The following PPP1R12A variants were observed in gnomAD, a reference collection of about 807,000 sequenced individuals.
PPP1R12A encodes the protein protein phosphatase 1 regulatory subunit 12A, also known as myosin binding subunit.
PPP1R12A carries 19 observed loss-of-function variants against 139.6 expected under a neutral mutation model. That is an observed-to-expected ratio of 0.14 (90% CI 0.09 to 0.20). The LOEUF (loss-of-function observed/expected upper bound fraction) is 0.20. PPP1R12A is among the 10% of genes least tolerant of loss of function. The pLI is 1.00. For synonymous variants in PPP1R12A, 427 were observed against 420.6 expected (o/e 1.02, Z -0.19); for missense variants, 925 against 1,211.5 (o/e 0.76, Z 3.51).
intron 13 of PPP1R12A, 43 bp from the exon 14 acceptor site, chr12:79,805,811 AC>A: frequency 6.5e-7 from 1 of 1,549,120 alleles, no homozygotes. Flanking sequence ...GAAAAGGAAA[AC>A]AGCTAAACAA....
At chr12:79,935,217 G>A, upstream of PPP1R12A, 1 of 1,284,282 alleles carries the variant, frequency 7.8e-7, no homozygotes, top group African/African-American at 1.5e-5. Context: ...CGGACTGGGA[G>A]GCGCCCTTCG....
At position 79,828,066 on chromosome 12, in the gene PPP1R12A, T is replaced by A. The variant is rs1877006929; in HGVS notation, c.792+254A>T. On this transcript the variant is annotated intron_variant, in intron 5 of 24. Coordinates refer to ENST00000450142, the MANE Select transcript of PPP1R12A (RefSeq NM_002480.3). ...CAAGTATCCAAATCTACTCTACATG[T>A]ATGGCAATCTGATTACTGAAAGAGC... 1.2e-5 allele frequency: 3 copies of A among 251,026 alleles called. No homozygotes were observed. The East Asian group carries it at 2.3e-4, about 19-fold the overall frequency. The allele number at this position is 251,026 out of a possible 1,614,324, so 15.5% of individuals were successfully genotyped here.
chr12:79,813,657 T>C (rs774518115), intron 9 of PPP1R12A, among the ~76,000 whole-genome samples: 5 of 152,214 alleles, frequency 3.3e-5, no homozygotes, highest in Non-Finnish European at 7.4e-5. Flanking sequence ...TATAAACTTG[T>C]TAGTTAACAA....
intron 1 of PPP1R12A, among the ~76,000 whole-genome samples, chr12:79,883,613 G>A (rs1272674022): frequency 6.6e-6 from 1 of 152,150 alleles, no homozygotes; most frequent in African/African-American, 2.4e-5. Flanking sequence ...ATAGGTGTCT[G>A]TACACCTATC....
intron 4 of PPP1R12A, among the ~76,000 whole-genome samples, chr12:79,829,505 C>T (rs1158437917): frequency 6.6e-6 from 1 of 152,010 alleles, no homozygotes; most frequent in African/African-American, 2.4e-5. Context: ...CCAGCTCACC[C>T]CAGTACTACT....
At position 79,872,837 on chromosome 12, in the gene PPP1R12A, T is replaced by C. The variant is rs989012029; in HGVS notation, c.339A>G (p.Ala113=). The C allele has an allele frequency of 6.2e-7, 1 of 1,613,650 alleles. No individual in the cohort carries two copies. The highest frequency in any genetic ancestry group is 8.5e-7 in the Non-Finnish European group (1 of 1,179,698). The part of the protein sequence containing the change: ...DNEGWIPLHA[A]ASCGYLDIAE... ...CAATATCAAGATATCCACAGGAAGC[T>C]GCTGCATGTAGTGGTATCCAGCCTT... The change falls in exon 2 of 25, where the codon GCA becomes GCG. Residue 113 remains alanine, a synonymous_variant. Transcript: ENST00000450142.
intron 14 of PPP1R12A, among the ~76,000 whole-genome samples, chr12:79,801,326 C>T (rs1163907471): frequency 4.9e-5 from 4 of 81,824 alleles, no homozygotes; most frequent in Non-Finnish European, 9.8e-5. Flanking sequence ...GCCTGGGCAA[C>T]TAGAGCAAAA....
chr12:79,924,860 T>C (rs1487744293), intron 1 of PPP1R12A, among the ~76,000 whole-genome samples: 1 of 152,230 alleles, frequency 6.6e-6, no homozygotes, highest in Non-Finnish European at 1.5e-5. Context: ...TTCTGAAGCA[T>C]ACTCAAATCC....
chr12:79,844,329 C>T (rs1565773796), intron 3 of PPP1R12A, among the ~76,000 whole-genome samples: 1 of 152,106 alleles, frequency 6.6e-6, no homozygotes, highest in Non-Finnish European at 1.5e-5. Flanking sequence ...AAAATGAAGC[C>T]CTAATATTTC....
At chr12:79,864,879 T>C (rs1471303323) in intron 2 of PPP1R12A, among the ~76,000 whole-genome samples, 2 of 152,210 alleles carry the variant, frequency 1.3e-5, no homozygotes. Flanking sequence ...AGCCGAATTC[T>C]ACCAGAGGTA....
At chr12:79,792,244 T>C (rs949585273) in intron 19 of PPP1R12A, among the ~76,000 whole-genome samples, 1 of 152,168 alleles carries the variant, frequency 6.6e-6, no homozygotes, top group African/African-American at 2.4e-5. Flanking sequence ...TCTCATGGTA[T>C]AGCAGTTACT....
chr12:79,785,788 C>T (rs1871049261), intron 22 of PPP1R12A, among the ~76,000 whole-genome samples: 1 of 151,906 alleles, frequency 6.6e-6, no homozygotes, highest in Admixed American at 6.6e-5. Context: ...GAAGATGTAC[C>T]TATTCCTGTC....
chr12:79,857,258 A>G lies in PPP1R12A; in HGVS notation c.369-11838T>C, dbSNP rs529529892. Among the ~76,000 whole-genome samples, 7 of 152,242 alleles carry G rather than the reference A, an allele frequency of 4.6e-5. No individual in the cohort carries two copies. In the South Asian group the frequency reaches 1.5e-3, roughly 32 times the overall value. On this transcript the variant is annotated intron_variant, in intron 2 of 24. Coordinates refer to ENST00000450142, the MANE Select transcript of PPP1R12A (RefSeq NM_002480.3). ...CATGGAATACTATGCAGCCATAAAAAATGATGAGTTCATGTCCTTTGTAGG... is the reference window on the plus strand; with the variant it reads ...CATGGAATACTATGCAGCCATAAAAGATGATGAGTTCATGTCCTTTGTAGG...
intron 9 of PPP1R12A, among the ~76,000 whole-genome samples, chr12:79,813,806 A>T (rs1047610490): frequency 2.0e-5 from 3 of 152,176 alleles, no homozygotes; most frequent in African/African-American, 7.2e-5. Flanking sequence ...CTTTCACCAT[A>T]GTTACCCCAA....
intron 3 of PPP1R12A, 102 bp from the exon 4 acceptor site, chr12:79,832,593 T>C: frequency 8.1e-7 from 1 of 1,230,726 alleles, no homozygotes; most frequent in Non-Finnish European, 1.1e-6. Flanking sequence ...AAATTAAAAG[T>C]GAAAGTATGT....
intron 1 of PPP1R12A, among the ~76,000 whole-genome samples, chr12:79,927,534 T>G (rs1199678000): frequency 1.3e-5 from 2 of 152,222 alleles, no homozygotes; most frequent in East Asian, 3.8e-4. Context: ...TCAGCTAATT[T>G]ACAGAGAAAC....
chr12:79,825,761 A>G (rs1339778086), intron 5 of PPP1R12A, among the ~76,000 whole-genome samples: 2 of 151,982 alleles, frequency 1.3e-5, no homozygotes, highest in East Asian at 3.8e-4. Flanking sequence ...AAGGTATCCA[A>G]TGACAATATA....
At chr12:79,832,827 G>A (rs1339286050) in intron 3 of PPP1R12A, among the ~76,000 whole-genome samples, 2 of 151,730 alleles carry the variant, frequency 1.3e-5, no homozygotes, top group East Asian at 1.9e-4. Context: ...CAATTATAAT[G>A]AATAAGTCTC....
At chr12:79,922,333 C>T (rs1471431354) in intron 1 of PPP1R12A, among the ~76,000 whole-genome samples, 4 of 152,130 alleles carry the variant, frequency 2.6e-5, no homozygotes, top group African/African-American at 9.7e-5. Context: ...ATAACATTAT[C>T]GCATCAATTT....
Sources: gnomAD v4.1 joint callset for allele counts (sites outside exome capture counted in the v4.1 genomes callset) on GRCh38, gnomAD v4.1.1 for gene constraint, MANE v1.5 for transcripts, NCBI Gene and HGNC (gene_info 2026-07-23, HGNC 2026-07-21) for gene names.